LNX2: variants seen among roughly 807,000 people sequenced by gnomAD.
The protein encoded by LNX2 is ligand of numb-protein X 2, also known as ligand of Numb protein X 2.
Under a neutral mutation model 66.2 loss-of-function variants are expected in LNX2, and 35 were observed. The observed-to-expected ratio is 0.53, with a 90% confidence interval of 0.40 to 0.70. The LOEUF (loss-of-function observed/expected upper bound fraction) is 0.70. Among genes scored for constraint, LNX2 ranks in the 30% least tolerant of loss-of-function variants. The pLI, the probability that LNX2 is intolerant of heterozygous loss-of-function variation, is 0.00. For synonymous variants in LNX2, 337 were observed against 315.6 expected (o/e 1.07, Z -0.72); for missense variants, 791 against 850.8 (o/e 0.93, Z 0.87).
chr13:27,554,020 A>G (rs1043381053), intron 7 of LNX2, among the ~76,000 whole-genome samples: 1 of 152,210 alleles, frequency 6.6e-6, no homozygotes, highest in African/African-American at 2.4e-5. Flanking sequence ...CTGCTAAGTA[A>G]TATAATAAAA....
chr13:27,616,187 T>TGGG (rs58265063), intron 1 of LNX2, among the ~76,000 whole-genome samples: 200 of 90,816 alleles, frequency 2.2e-3, no homozygotes, highest in Non-Finnish European at 3.6e-3. Context: ...GGTGGGGGGT[T>TGGG]GGGGGGGGTA....
At chr13:27,615,982 T>C (rs1436985545) in intron 1 of LNX2, among the ~76,000 whole-genome samples, 1 of 152,120 alleles carries the variant, frequency 6.6e-6, no homozygotes, top group African/African-American at 2.4e-5. Flanking sequence ...TGAAGAGATT[T>C]ATCGTGAGCC....
At chr13:27,591,207 G>A (rs1955543382) in intron 1 of LNX2, among the ~76,000 whole-genome samples, 1 of 152,136 alleles carries the variant, frequency 6.6e-6, no homozygotes, top group South Asian at 2.1e-4. Context: ...ATTTACTTAA[G>A]TTACAGTTCT....
At chr13:27,553,754 T>A (rs1181757073) in intron 7 of LNX2, among the ~76,000 whole-genome samples, 1 of 152,208 alleles carries the variant, frequency 6.6e-6, no homozygotes, top group Non-Finnish European at 1.5e-5. Context: ...GGCAGGTTCA[T>A]TTCTCTTCTT....
At chr13:27,616,169 G>T (rs1346069700) in intron 1 of LNX2, among the ~76,000 whole-genome samples, 1 of 138,444 alleles carries the variant, frequency 7.2e-6, no homozygotes, top group African/African-American at 2.9e-5. Context: ...GCAGGGGGTC[G>T]GGGGTGGGGT....
intron 1 of LNX2, among the ~76,000 whole-genome samples, chr13:27,583,261 C>CGA (rs11281345): frequency 1.3e-4 from 6 of 45,486 alleles, no homozygotes; most frequent in East Asian, 6.2e-4. Context: ...TGTGTGCGCG[C>CGA]GTCCTCTCCA....
rs984988844 is a variant in LNX2 at position 27,547,942 on chromosome 13, A to C, written c.*393T>G. On this transcript the variant is annotated 3_prime_UTR_variant, in exon 10 of 10. Transcript: ENST00000316334. ...GACAGTGGCAGTACACGCTGTTGTTACTGGCTTTGCTGACATCAGGCCTGA... is the reference window on the plus strand; with the variant it reads ...GACAGTGGCAGTACACGCTGTTGTTCCTGGCTTTGCTGACATCAGGCCTGA... 18 of 183,538 alleles carry C rather than the reference A, an allele frequency of 9.8e-5. No homozygotes were observed. The highest frequency in any genetic ancestry group is 1.2e-5 in the Non-Finnish European group (1 of 86,678). The allele number at this position is 183,538 out of a possible 1,614,324, so 11.4% of individuals were successfully genotyped here.
chr13:27,571,672 A>G (rs554038996), intron 2 of LNX2, among the ~76,000 whole-genome samples: 1 of 152,318 alleles, frequency 6.6e-6, no homozygotes, highest in East Asian at 1.9e-4. Flanking sequence ...TTTATAAAAT[A>G]GGTGAATTTG....
chr13:27,613,830 T>C (rs76726927), intron 1 of LNX2, among the ~76,000 whole-genome samples: 6,701 of 152,268 alleles, frequency 0.044, 209 homozygotes, highest in Non-Finnish European at 0.067. Flanking sequence ...CTGCAAATGA[T>C]TAACTACTCG....
chr13:27,601,000 C>G (rs1955652090), intron 1 of LNX2, among the ~76,000 whole-genome samples: 1 of 152,232 alleles, frequency 6.6e-6, no homozygotes, highest in Non-Finnish European at 1.5e-5. Flanking sequence ...GACTGCTTCA[C>G]TTGATACTCA....
At position 27,569,337 on chromosome 13, in the gene LNX2, A is replaced by C; in HGVS notation, c.408-61T>G. ...TTGAAAACAAACAAACAAATAAAAT[A>C]GGGAGGGGGACTAATAGCTTCTACA... is the stretch of plus-strand genomic sequence containing the variant. On this transcript the variant is annotated intron_variant, in intron 2 of 9. Transcript: ENST00000316334. 3 of 1,553,694 alleles carry C rather than the reference A, an allele frequency of 1.9e-6. No individual in the cohort carries two copies. The East Asian group carries it at 6.7e-5, about 35-fold the overall frequency.
chr13:27,551,758 G>T (rs538652098), intron 8 of LNX2, among the ~76,000 whole-genome samples: 1 of 152,264 alleles, frequency 6.6e-6, no homozygotes, highest in East Asian at 1.9e-4. Context: ...CTTCTGGGAT[G>T]GAACAAGGTC....
intron 8 of LNX2, among the ~76,000 whole-genome samples, chr13:27,552,345 C>T (rs181550271): frequency 1.3e-5 from 2 of 152,300 alleles, no homozygotes; most frequent in African/African-American, 4.8e-5. Context: ...ACCCACTATG[C>T]GCAAAGCGCC....
rs371509026 is a variant in LNX2, at chr13:27,553,352, G to C, written c.1634C>G (p.Ser545Cys). 2 of 1,614,152 alleles carry C rather than the reference G, an allele frequency of 1.2e-6. No individual in the cohort carries two copies. The highest frequency in any genetic ancestry group is 2.2e-5 in the South Asian group (2 of 91,076). ...AAGTGCTTTAAGGGCAACAGCAGGG[G>C]ACGCGGCACTGGCTTTCAGCATTGC... ...AVAMLKASAA[S>C]PAVALKALEV... The change falls in exon 8 of 10, where the codon TCC becomes TGC. Residue 545 changes from serine to cysteine, a missense_variant. Ser to Cys is a moderately radical substitution (Grantham distance 112). Transcript: ENST00000316334.
chr13:27,606,947 T>C (rs1955723547), intron 1 of LNX2, among the ~76,000 whole-genome samples: 1 of 152,226 alleles, frequency 6.6e-6, no homozygotes, highest in African/African-American at 2.4e-5. Context: ...GCACTAAAAA[T>C]GAAGTTGCAT....
At chr13:27,583,172 G>T (rs1955422851) in intron 1 of LNX2, among the ~76,000 whole-genome samples, 1 of 1,124 alleles carries the variant, frequency 8.9e-4, no homozygotes, top group South Asian at 0.029. Flanking sequence ...GAGCAGCAGT[G>T]TGTGTGTGTG....
At chr13:27,586,244 C>CT (rs1282120009) in intron 1 of LNX2, among the ~76,000 whole-genome samples, 1 of 151,922 alleles carries the variant, frequency 6.6e-6, no homozygotes, top group African/African-American at 2.4e-5. Context: ...TGTGCAAAGC[C>CT]ATATAGCATA....
At chr13:27,568,322 C>A (rs957782053) in intron 3 of LNX2, among the ~76,000 whole-genome samples, 1 of 152,068 alleles carries the variant, frequency 6.6e-6, no homozygotes, top group African/African-American at 2.4e-5. Flanking sequence ...AAGGAAAATT[C>A]AAATTTGTAG....
At chr13:27,608,633 T>A (rs1955742328) in intron 1 of LNX2, among the ~76,000 whole-genome samples, 1 of 152,226 alleles carries the variant, frequency 6.6e-6, no homozygotes, top group Non-Finnish European at 1.5e-5. Flanking sequence ...GATGTGCTGC[T>A]TAATCCCCAA....
Sources: allele counts gnomAD v4.1 joint callset (sites outside exome capture counted in the v4.1 genomes callset), GRCh38; gene constraint gnomAD v4.1.1; transcripts MANE v1.5; gene names NCBI Gene and HGNC (gene_info 2026-07-23, HGNC 2026-07-21).